SNX18: variants seen among roughly 807,000 people sequenced by gnomAD.
SNX18 encodes the protein sorting nexin-18.
A neutral mutation model predicts 48.7 loss-of-function variants in SNX18; 35 were observed. The ratio of observed to expected loss-of-function variants is 0.72; its 90% CI spans 0.55 to 0.95. SNX18 has a LOEUF of 0.95. SNX18 is among the 40% of genes least tolerant of loss of function. SNX18 has a pLI of 0.00. For missense variants in SNX18, 824 were observed against 871.0 expected, an observed-to-expected ratio of 0.95 and a Z score of 0.68; for synonymous variants, 492 against 384.7, an observed-to-expected ratio of 1.28 and a Z score of -3.26.
At chr5:54,572,216 T>C in the SNX18 span, among the ~76,000 whole-genome samples, 1 of 152,156 alleles carries the variant, frequency 6.6e-6, no homozygotes. Flanking sequence ...AAATGGAATA[T>C]GAGGCTAGCA....
the SNX18 span, among the ~76,000 whole-genome samples, chr5:54,603,175 A>G: frequency 6.6e-6 from 1 of 151,530 alleles, no homozygotes; most frequent in Non-Finnish European, 1.5e-5. Context: ...TATTATTATT[A>G]TATGGCATGA....
chr5:54,522,716 C>G (rs370927905), intron 1 of SNX18, among the ~76,000 whole-genome samples: 1 of 151,728 alleles, frequency 6.6e-6, no homozygotes, highest in South Asian at 2.1e-4. Context: ...GGATGGATGT[C>G]TGAGGCCATC....
the SNX18 span, among the ~76,000 whole-genome samples, chr5:54,641,761 T>G: frequency 6.6e-6 from 1 of 152,210 alleles, no homozygotes; most frequent in Non-Finnish European, 1.5e-5. Context: ...GCAGGCTCCT[T>G]AGCCCCTTGT....
the SNX18 span, among the ~76,000 whole-genome samples, chr5:54,588,834 T>C: frequency 4.6e-5 from 7 of 152,214 alleles, no homozygotes; most frequent in Non-Finnish European, 1.0e-4. Context: ...GTTTGAACTC[T>C]GAACTACCTC....
At chr5:54,564,312 G>T in the SNX18 span, among the ~76,000 whole-genome samples, 1 of 151,364 alleles carries the variant, frequency 6.6e-6, no homozygotes, top group East Asian at 1.9e-4. Context: ...AATAATAAAG[G>T]GTTTATTGAT....
At chr5:54,521,937 A>G (rs768425851) in intron 1 of SNX18, among the ~76,000 whole-genome samples, 6 of 152,124 alleles carry the variant, frequency 3.9e-5, no homozygotes, top group Admixed American at 6.5e-5. Flanking sequence ...AACTTCCTTC[A>G]TTAAAACCAG....
chr5:54,621,566 T>C, the SNX18 span, among the ~76,000 whole-genome samples: 3 of 152,192 alleles, frequency 2.0e-5, no homozygotes, highest in Non-Finnish European at 4.4e-5. Flanking sequence ...ACAACATCCC[T>C]GTTTAGTGAC....
At chr5:54,521,665 A>C (rs999576413) in intron 1 of SNX18, among the ~76,000 whole-genome samples, 2 of 152,138 alleles carry the variant, frequency 1.3e-5, no homozygotes, top group Non-Finnish European at 2.9e-5. Flanking sequence ...TAATTGAACC[A>C]TTGCCCTCCA....
At chr5:54,587,915 C>T in the SNX18 span, among the ~76,000 whole-genome samples, 4 of 152,166 alleles carry the variant, frequency 2.6e-5, no homozygotes, top group Non-Finnish European at 4.4e-5. Context: ...AAGATGACAT[C>T]CTGGACAATG....
At chr5:54,563,093 T>C in the SNX18 span, among the ~76,000 whole-genome samples, 1 of 152,214 alleles carries the variant, frequency 6.6e-6, no homozygotes, top group Non-Finnish European at 1.5e-5. Flanking sequence ...AGCTTAGTCT[T>C]ATTACAAGAT....
chr5:54,591,509 G>A, the SNX18 span, among the ~76,000 whole-genome samples: 2 of 152,186 alleles, frequency 1.3e-5, no homozygotes, highest in East Asian at 1.9e-4. Flanking sequence ...ACCTTTGGCT[G>A]CAAAGTGCTG....
chr5:54,561,187 C>T, the SNX18 span, among the ~76,000 whole-genome samples: 1 of 151,830 alleles, frequency 6.6e-6, no homozygotes. Flanking sequence ...GGATTACAGG[C>T]CTGCACCACC....
At chr5:54,594,885 C>T in the SNX18 span, among the ~76,000 whole-genome samples, 1 of 152,128 alleles carries the variant, frequency 6.6e-6, no homozygotes, top group African/African-American at 2.4e-5. Flanking sequence ...TCCATGAATA[C>T]CCAATGTTTA....
chr5:54,613,906 G>T, the SNX18 span, among the ~76,000 whole-genome samples: 1 of 152,122 alleles, frequency 6.6e-6, no homozygotes, highest in Non-Finnish European at 1.5e-5. Context: ...TGTTGGTCAG[G>T]TTGGTCTCGA....
intron 1 of SNX18, among the ~76,000 whole-genome samples, chr5:54,522,918 T>C (rs929586727): frequency 7.9e-5 from 12 of 152,184 alleles, no homozygotes; most frequent in African/African-American, 2.4e-4. Flanking sequence ...TTCTGGAATT[T>C]TGATTTTTTT....
the SNX18 span, among the ~76,000 whole-genome samples, chr5:54,593,651 G>T: frequency 6.6e-6 from 1 of 152,208 alleles, no homozygotes; most frequent in Non-Finnish European, 1.5e-5. Context: ...TAGACTTAAA[G>T]CTACAGTAAT....
the SNX18 span, among the ~76,000 whole-genome samples, chr5:54,562,546 A>C: frequency 3.9e-5 from 6 of 152,280 alleles, no homozygotes; most frequent in African/African-American, 1.4e-4. Flanking sequence ...GTGACATCAT[A>C]GCCATGGTAA....
the SNX18 span, among the ~76,000 whole-genome samples, chr5:54,583,541 G>T: frequency 1.3e-5 from 2 of 152,062 alleles, no homozygotes; most frequent in Non-Finnish European, 2.9e-5. Context: ...AAGGCCTTGG[G>T]GTCAGCAAAC....
the SNX18 span, among the ~76,000 whole-genome samples, chr5:54,585,338 T>A: frequency 1.4e-5 from 2 of 147,146 alleles, no homozygotes; most frequent in African/African-American, 5.0e-5. Flanking sequence ...AATGTACATA[T>A]CCCGACAAAC....
Sources: allele counts gnomAD v4.1 joint callset (sites outside exome capture counted in the v4.1 genomes callset), GRCh38; gene constraint gnomAD v4.1.1; transcripts MANE v1.5; gene names NCBI Gene and HGNC (gene_info 2026-07-23, HGNC 2026-07-21).